ARHGEF17: variants seen among roughly 807,000 people sequenced by gnomAD.
The protein encoded by ARHGEF17 is Rho guanine nucleotide exchange factor 17.
ARHGEF17 carries 80 observed loss-of-function variants against 174.0 expected under a neutral mutation model. The observed-to-expected ratio is 0.46, with a 90% CI of 0.38 to 0.55. The LOEUF (loss-of-function observed/expected upper bound fraction) is 0.55. Ranked by LOEUF, ARHGEF17 falls within the 20% of genes least tolerant of loss-of-function variation. The pLI is 0.00. For missense variants in ARHGEF17, 2,886 were observed against 2,839.7 expected (o/e 1.02, Z -0.37); for synonymous variants, 1,311 against 1,189.1 (o/e 1.10, Z -2.11).
Position 73,363,191 on chromosome 11 carries a change from C to G in ARHGEF17, c.4997-15C>G, listed in dbSNP as rs1214450294. On this transcript the variant is annotated splice_polypyrimidine_tract_variant and intron_variant, in intron 14 of 20. Transcript: ENST00000263674. ...GGCAGAGGGAAATGGAGACAGAGAC[C>G]TTTGTCTCCCTCAGATGAGGAGACC... 1 of 1,527,456 alleles carries G rather than the reference C, an allele frequency of 6.5e-7. No homozygotes were observed. The highest frequency in any genetic ancestry group is 2.1e-5 in the Admixed American group (1 of 47,502). 94.6% of individuals were successfully genotyped at this position (1,527,456 alleles called of 1,614,324 possible). A position where few individuals can be genotyped will look rare whatever the true frequency, so the allele number is the denominator to read the frequency against.
chr11:73,332,124 A>G (rs1284626492), intron 1 of ARHGEF17, among the ~76,000 whole-genome samples: 1 of 152,196 alleles, frequency 6.6e-6, no homozygotes, highest in East Asian at 1.9e-4. Flanking sequence ...GTTATTCATA[A>G]CAGCCAATAT....
chr11:73,340,700 G>T (rs529158902), intron 1 of ARHGEF17, among the ~76,000 whole-genome samples: 3 of 152,330 alleles, frequency 2.0e-5, no homozygotes, highest in African/African-American at 7.2e-5. Flanking sequence ...GCCAGATGTG[G>T]GTTAAGTATC....
intron 7 of ARHGEF17, 54 bp from the exon 8 acceptor site, chr11:73,356,971 G>T (rs929602905): frequency 1.9e-6 from 3 of 1,582,894 alleles, no homozygotes; most frequent in Admixed American, 3.4e-5. Context: ...TGGGCAGGGG[G>T]GTGGGCTTCT....
chr11:73,367,630 C>A lies in ARHGEF17; in HGVS notation c.6042C>A (p.His2014Gln), dbSNP rs368404869. 9 of 1,613,938 alleles carry A rather than the reference C, an allele frequency of 5.6e-6. No homozygotes were observed. Among genetic ancestry groups the A allele is most frequent in the Non-Finnish European group, 6.8e-6 (8 of 1,179,948 alleles). Residue 2014 changes from histidine (H) to glutamine (Q), a missense_variant, in exon 21 of 21, where the codon CAC becomes CAA. Coordinates refer to ENST00000263674, the MANE Select transcript of ARHGEF17 (RefSeq NM_014786.4). ...PSLEHRDSPW[H>Q]RGPAPARPKM... ...TGGAGCACCGGGACTCCCCTTGGCA[C>A]CGAGGCCCCGCCCCTGCCAGGCCTA...
In ARHGEF17 at chr11:73,311,105, C is replaced by T. The variant is rs768106060; in HGVS notation, c.2467C>T (p.Pro823Ser). The T allele has an allele frequency of 5.1e-5, 82 of 1,606,206 alleles. No homozygotes were observed. Among genetic ancestry groups the T allele is most frequent in the Admixed American group, 3.5e-4 (21 of 59,714 alleles). ...VVDDRIAGKA[P>S]KKKSLSDPSR... Reference sequence around the variant, plus strand: ...GGACGACAGGATTGCTGGCAAAGCCCCCAAGAAGAAATCCCTGAGTGACCC... The same window carrying T: ...GGACGACAGGATTGCTGGCAAAGCCTCCAAGAAGAAATCCCTGAGTGACCC... Residue 823 changes from proline (P) to serine (S), a missense_variant, in exon 1 of 21, where the codon CCC (proline) becomes TCC (serine). By Grantham distance (74) the Pro-to-Ser change is moderately conservative. Coordinates refer to ENST00000263674, the MANE Select transcript of ARHGEF17 (RefSeq NM_014786.4).
chr11:73,310,128 G>C lies in ARHGEF17; in HGVS notation c.1490G>C (p.Arg497Pro). ...VRKPGGSSGD[R>P]GSNPLDGRDS... The stretch of plus-strand genomic sequence containing the variant: ...AAACCTGGTGGGAGCTCCGGGGACC[G>C]TGGAAGCAACCCCCTAGATGGCAGA... Residue 497 changes from arginine to proline, a missense_variant, in exon 1 of 21, where the codon CGT becomes CCT. Coordinates refer to ENST00000263674, the MANE Select transcript of ARHGEF17 (RefSeq NM_014786.4). 1 of 1,614,044 alleles carries C rather than the reference G, an allele frequency of 6.2e-7. No homozygotes were observed. The highest frequency in any genetic ancestry group is 8.5e-7 in the Non-Finnish European group (1 of 1,180,006).
At position 73,364,256 on chromosome 11, in the gene ARHGEF17, C is replaced by T; in HGVS notation, c.5401+17C>T. ...GGGAAGCAGGTGAGTATCTGCCCTCCCCCACACCCTGCCCCTGTCCCCTTA... is the reference window on the plus strand; with the variant it reads ...GGGAAGCAGGTGAGTATCTGCCCTCTCCCACACCCTGCCCCTGTCCCCTTA... On this transcript the variant is annotated intron_variant, in intron 17 of 20. Coordinates refer to ENST00000263674, the MANE Select transcript of ARHGEF17 (RefSeq NM_014786.4). 6.2e-7 allele frequency: 1 copy of T among 1,613,884 alleles called. No homozygotes were observed. Among genetic ancestry groups the T allele is most frequent in the Non-Finnish European group, 8.5e-7 (1 of 1,179,790 alleles).
At position 73,308,815 on chromosome 11, in the gene ARHGEF17, C is replaced by T; in HGVS notation, c.177C>T (p.Ser59=). ...GGGGCCAGCCCTCTCGGCGCGTGTC[C>T]AAGCTGGCGTCTGGGCCCCTGGCCG... The part of the protein sequence containing the change: ...AARGQPSRRV[S]KLASGPLAAP... The change falls in exon 1 of 21, where the codon TCC becomes TCT. Residue 59 remains serine (S), a synonymous_variant. Coordinates refer to ENST00000263674, the MANE Select transcript of ARHGEF17 (RefSeq NM_014786.4). 1.5e-6 allele frequency: 2 copies of T among 1,349,954 alleles called. No individual in the cohort carries two copies. Among genetic ancestry groups the T allele is most frequent in the Non-Finnish European group, 1.9e-6 (2 of 1,057,710 alleles). The allele number at this position is 1,349,954 out of a possible 1,614,324, so 83.6% of individuals were successfully genotyped here.
chr11:73,314,624 A>G (rs1202206877), intron 1 of ARHGEF17, among the ~76,000 whole-genome samples: 1 of 152,162 alleles, frequency 6.6e-6, no homozygotes, highest in African/African-American at 2.4e-5. Context: ...GCTGTCTGCA[A>G]TAGCTGCATG....
intron 1 of ARHGEF17, among the ~76,000 whole-genome samples, chr11:73,316,809 C>T (rs1864935924): frequency 6.6e-6 from 1 of 152,222 alleles, no homozygotes; most frequent in South Asian, 2.1e-4. Flanking sequence ...CTGACTTAAG[C>T]ATTCACAGGT....
chr11:73,367,740 G>C lies in ARHGEF17; in HGVS notation c.6152G>C (p.Arg2051Pro), dbSNP rs747512449. 6.2e-7 allele frequency: 1 copy of C among 1,613,966 alleles called. No homozygotes were observed. The highest frequency in any genetic ancestry group is 2.2e-5 in the East Asian group (1 of 44,890). Reference protein sequence around the residue: ...GGGSSSETVGRDDSTNHLLLW... With the variant: ...GGGSSSETVGPDDSTNHLLLW... ...GGCAGCAGCAGTGAGACTGTGGGTC[G>C]AGACGACAGCACAAACCACCTCCTC... Residue 2051 changes from arginine to proline, a missense_variant, in exon 21 of 21, where the codon CGA (arginine) becomes CCA (proline). Physicochemically the swap from Arg to Pro is moderately radical, Grantham distance 103. This residue lies in a region of ARHGEF17 where 329 missense variants were observed against 435.2 expected (regional missense o/e 0.76). Transcript: ENST00000263674.
chr11:73,313,879 T>C (rs1591718123), intron 1 of ARHGEF17, among the ~76,000 whole-genome samples: 1 of 152,154 alleles, frequency 6.6e-6, no homozygotes, highest in African/African-American at 2.4e-5. Context: ...GAATGGGTGG[T>C]GTGATCATTT....
chr11:73,315,868 G>A (rs1864920572), intron 1 of ARHGEF17, among the ~76,000 whole-genome samples: 1 of 152,174 alleles, frequency 6.6e-6, no homozygotes, highest in African/African-American at 2.4e-5. Context: ...GGGAGGCGGA[G>A]AGGCTGCTGC....
In ARHGEF17 at chr11:73,357,140, T is replaced by G; in HGVS notation, c.4001+6T>G. 1 of 1,613,930 alleles carries G rather than the reference T, an allele frequency of 6.2e-7. No individual in the cohort carries two copies. Among genetic ancestry groups the G allele is most frequent in the Non-Finnish European group, 8.5e-7 (1 of 1,179,888 alleles). ...CGGCGCAGCTCCATGAGCCTGTGAG[T>G]GGCTGGGCCGGGGTTTGGGTGGTGC... On this transcript the variant is annotated splice_donor_region_variant and intron_variant, in intron 8 of 20. Transcript: ENST00000263674.
chr11:73,365,293 T>G lies in ARHGEF17; in HGVS notation c.5551-97T>G. The stretch of plus-strand genomic sequence containing the variant: ...ATCAGACCAAGGACCAACGCTAGTG[T>G]GAGTTGTGAGGGATGGACACTGGTG... On this transcript the variant is annotated intron_variant, in intron 18 of 20. Coordinates refer to ENST00000263674, the MANE Select transcript of ARHGEF17 (RefSeq NM_014786.4). This position sits in a 1 kb window ranked among gnomAD's most constrained non-coding sequence, Gnocchi z 4.9. The G allele has an allele frequency of 2.9e-6, 4 of 1,390,428 alleles. No individual in the cohort carries two copies. Among genetic ancestry groups the G allele is most frequent in the Non-Finnish European group, 3.0e-6 (3 of 1,001,504 alleles). The allele number at this position is 1,390,428 out of a possible 1,614,324, so 86.1% of individuals were successfully genotyped here.
rs1449969509 is a variant in ARHGEF17, at chr11:73,308,654, C to T, written c.16C>T (p.Pro6Ser). ...TTACGCCACTATGGCGGACGGGGCA[C>T]CCCGGCCCCAGCTTTACCGCAGCGT... Reference protein sequence around the residue: MADGAPRPQLYRSVSF... With the variant: MADGASRPQLYRSVSF... Residue 6 changes from proline (P) to serine (S), a missense_variant, in exon 1 of 21, where the codon CCC (proline) becomes TCC (serine). By Grantham distance (74) the Pro-to-Ser change is moderately conservative. Coordinates refer to ENST00000263674, the MANE Select transcript of ARHGEF17 (RefSeq NM_014786.4). 3.3e-6 allele frequency: 5 copies of T among 1,506,892 alleles called. No individual in the cohort carries two copies. The highest frequency in any genetic ancestry group is 2.9e-5 in the African/African-American group (2 of 68,690). The allele number at this position is 1,506,892 out of a possible 1,614,324, so 93.3% of individuals were successfully genotyped here. A position where few individuals can be genotyped will look rare whatever the true frequency, so the allele number is the denominator to read the frequency against.
intron 1 of ARHGEF17, among the ~76,000 whole-genome samples, chr11:73,332,362 T>C (rs939861279): frequency 5.9e-5 from 4 of 67,442 alleles, no homozygotes; most frequent in Non-Finnish European, 1.2e-4. Flanking sequence ...TGTGTGTGTG[T>C]GTGTGTGTGT....
At chr11:73,323,418 G>A (rs899925455) in intron 1 of ARHGEF17, among the ~76,000 whole-genome samples, 13 of 152,226 alleles carry the variant, frequency 8.5e-5, no homozygotes, top group Non-Finnish European at 1.8e-4. Flanking sequence ...AGCCCTCGTG[G>A]TGGGTCCTGT....
rs542358939 is a variant in ARHGEF17 at position 73,343,716 on chromosome 11, G to A, written c.3193-3167G>A. On this transcript the variant is annotated intron_variant, in intron 1 of 20. Transcript: ENST00000263674. ...GTCATGCTGCGGTGGGAACAGCAGC[G>A]TCCCCGTTCTCGCTCAGTGTGTGTA... Among the ~76,000 whole-genome samples the A allele has an allele frequency of 6.9e-4, 105 of 152,060 alleles. No homozygotes were observed. The South Asian group carries it at 0.015, about 22-fold the overall frequency.
Sources: gnomAD v4.1 joint callset for allele counts (sites outside exome capture counted in the v4.1 genomes callset) on GRCh38, gnomAD v4.1.1 for gene constraint, gnomAD v4.1.1 regional missense constraint, Gnocchi (gnomAD v3.1) non-coding constraint, MANE v1.5 for transcripts, NCBI Gene and HGNC (gene_info 2026-07-23, HGNC 2026-07-21) for gene names.